Variants in CNTNAP4 observed in about 807,000 individuals in gnomAD.
CNTNAP4 encodes the protein contactin-associated protein-like 4.
A neutral mutation model predicts 148.4 loss-of-function variants in CNTNAP4; 98 were observed. The ratio of observed to expected loss-of-function variants is 0.66; its 90% CI spans 0.56 to 0.78. The LOEUF (loss-of-function observed/expected upper bound fraction) is 0.78, where lower values mean the gene tolerates loss of function less well. Among genes scored for constraint, CNTNAP4 ranks in the 30% least tolerant of loss-of-function variants. The pLI is 0.00. For missense variants in CNTNAP4, 1,935 were observed against 1,565.6 expected (o/e 1.24, Z -3.98); for synonymous variants, 730 against 565.1 (o/e 1.29, Z -4.14).
In CNTNAP4 at chr16:76,524,703, G is replaced by A. The variant is rs147366461; in HGVS notation, c.2755+2446G>A. The stretch of plus-strand genomic sequence containing the variant: ...TCTGAAAGATTTTGTCTTCATGGAG[G>A]CAATTGGTTAGGCCTTTGACCTCAC... On this transcript the variant is annotated intron_variant, in intron 17 of 23. Coordinates refer to ENST00000611870, the MANE Select transcript of CNTNAP4 (RefSeq NM_033401.5). 5.7e-3 allele frequency among the ~76,000 whole-genome samples: 861 copies of A among 152,176 alleles called. 5 individuals carry two copies. Among genetic ancestry groups the A allele is most frequent in the African/African-American group, 0.016 (679 of 41,510 alleles).
chr16:76,510,158 C>T (rs916555036), intron 15 of CNTNAP4, among the ~76,000 whole-genome samples: 1 of 151,772 alleles, frequency 6.6e-6, no homozygotes, highest in Non-Finnish European at 1.5e-5. Flanking sequence ...ACGCACTCCC[C>T]ATCCCAGCCC....
chr16:76,470,369 G>A (rs1354635292), intron 10 of CNTNAP4, among the ~76,000 whole-genome samples: 1 of 151,050 alleles, frequency 6.6e-6, no homozygotes, highest in East Asian at 1.9e-4. Context: ...AGCCAGACAC[G>A]GTGACTCACA....
At chr16:76,309,730 G>A in intron 1 of CNTNAP4, 1 of 623,644 alleles carries the variant, frequency 1.6e-6, no homozygotes, top group South Asian at 1.8e-5. Context: ...CCCAGGTGGA[G>A]GTAATTGAAT....
intron 1 of CNTNAP4, among the ~76,000 whole-genome samples, chr16:76,297,945 A>T (rs963040933): frequency 6.6e-6 from 1 of 152,122 alleles, no homozygotes; most frequent in African/African-American, 2.4e-5. Context: ...TATGTCAAAC[A>T]TATTATTTTT....
chr16:76,442,656 T>A (rs1447334678), intron 4 of CNTNAP4, among the ~76,000 whole-genome samples: 1 of 152,028 alleles, frequency 6.6e-6, no homozygotes, highest in East Asian at 1.9e-4. Flanking sequence ...CAACACACTC[T>A]TGCAAGAACA....
chr16:76,364,145 G>A (rs1049986149), intron 3 of CNTNAP4, among the ~76,000 whole-genome samples: 1 of 133,750 alleles, frequency 7.5e-6, no homozygotes, highest in Non-Finnish European at 1.6e-5. Flanking sequence ...GTTGAGGCAT[G>A]AGAATCACTA....
At chr16:76,539,021 C>G (rs2084337095) in intron 19 of CNTNAP4, among the ~76,000 whole-genome samples, 1 of 152,002 alleles carries the variant, frequency 6.6e-6, no homozygotes, top group Admixed American at 6.6e-5. Flanking sequence ...CCCAAGGGTA[C>G]TGTACTGAAC....
intron 3 of CNTNAP4, among the ~76,000 whole-genome samples, chr16:76,383,047 G>A (rs1045986264): frequency 6.6e-6 from 1 of 151,694 alleles, no homozygotes; most frequent in African/African-American, 2.4e-5. Context: ...ATGGGAAGAT[G>A]CCAGAGAATC....
At chr16:76,310,583 G>C (rs1350876803) in intron 1 of CNTNAP4, among the ~76,000 whole-genome samples, 1 of 152,114 alleles carries the variant, frequency 6.6e-6, no homozygotes, top group Non-Finnish European at 1.5e-5. Flanking sequence ...TCCTGTCAAA[G>C]GTCTCACCCT....
chr16:76,476,069 TC>T (rs779578394), intron 11 of CNTNAP4, 24 bp downstream of exon 11: 1 of 1,510,336 alleles, frequency 6.6e-7, no homozygotes, highest in East Asian at 2.3e-5. Flanking sequence ...ATCTGCTTTT[TC>T]TTGCCCCTGT....
At chr16:76,287,266 T>C (rs1958926152) in intron 1 of CNTNAP4, among the ~76,000 whole-genome samples, 1 of 152,194 alleles carries the variant, frequency 6.6e-6, no homozygotes, top group Admixed American at 6.5e-5. Context: ...AAACATTTCA[T>C]GGTCAAATAC....
intron 3 of CNTNAP4, among the ~76,000 whole-genome samples, chr16:76,394,666 T>C (rs1009834882): frequency 6.6e-6 from 1 of 152,094 alleles, no homozygotes; most frequent in Non-Finnish European, 1.5e-5. Context: ...TGAAAGAAAA[T>C]AGTTTTATTG....
At chr16:76,306,914 G>A (rs1212990901) in intron 1 of CNTNAP4, among the ~76,000 whole-genome samples, 1 of 152,150 alleles carries the variant, frequency 6.6e-6, no homozygotes, top group Non-Finnish European at 1.5e-5. Context: ...TCAAGTTGAA[G>A]CAGTATGTAT....
intron 2 of CNTNAP4, among the ~76,000 whole-genome samples, chr16:76,323,285 T>C (rs1188555465): frequency 9.9e-6 from 1 of 100,824 alleles, no homozygotes; most frequent in East Asian, 2.7e-4. Flanking sequence ...GATGGTTTTA[T>C]TTAATATTTT....
chr16:76,415,453 A>G (rs777305846), intron 3 of CNTNAP4, among the ~76,000 whole-genome samples: 14 of 151,146 alleles, frequency 9.3e-5, no homozygotes, highest in Non-Finnish European at 1.3e-4. Flanking sequence ...GTGTAAAAAT[A>G]TCTTTTTAGA....
At chr16:76,360,035 A>G (rs1168874870) in intron 3 of CNTNAP4, among the ~76,000 whole-genome samples, 1 of 152,242 alleles carries the variant, frequency 6.6e-6, no homozygotes, top group Non-Finnish European at 1.5e-5. Context: ...TTATAAACTG[A>G]GTAAATATGA....
intron 2 of CNTNAP4, among the ~76,000 whole-genome samples, chr16:76,343,517 A>T (rs1381338308): frequency 2.0e-5 from 3 of 152,178 alleles, no homozygotes; most frequent in Admixed American, 2.0e-4. Flanking sequence ...AATATAGAAT[A>T]ACTAGTAGCA....
intron 6 of CNTNAP4, 40 bp downstream of exon 6, chr16:76,448,991 G>A (rs1597577804): frequency 1.9e-6 from 3 of 1,561,212 alleles, no homozygotes; most frequent in South Asian, 2.3e-5. Flanking sequence ...ATTTTATTAT[G>A]TATATGTGGT....
chr16:76,389,617 C>T (rs138879608), intron 3 of CNTNAP4, among the ~76,000 whole-genome samples: 1 of 152,032 alleles, frequency 6.6e-6, no homozygotes, highest in Non-Finnish European at 1.5e-5. Context: ...CCAAGCCCAA[C>T]TATTTTTTTT....
Sources: allele counts gnomAD v4.1 joint callset (sites outside exome capture counted in the v4.1 genomes callset), GRCh38; gene constraint gnomAD v4.1.1; transcripts MANE v1.5; gene names NCBI Gene and HGNC (gene_info 2026-07-23, HGNC 2026-07-21).